Variants in KIAA0825 observed in about 807,000 individuals in gnomAD.
KIAA0825 encodes uncharacterized protein KIAA0825.
In KIAA0825, 119 loss-of-function variants were observed where a neutral mutation model predicts 147.6. The observed-to-expected ratio is 0.81, with a 90% CI of 0.69 to 0.94. The LOEUF is 0.94. KIAA0825 is among the 40% of genes least tolerant of loss of function. The probability of loss-of-function intolerance (pLI) is 0.00; values close to 1 mark genes in which losing one functional copy is unlikely to be tolerated. For missense variants in KIAA0825, 1,381 were observed against 1,472.7 expected (o/e 0.94, Z 1.02); for synonymous variants, 470 against 518.1 (o/e 0.91, Z 1.26).
At chr5:94,284,104 A>T (rs1777570558) in intron 20 of KIAA0825, among the ~76,000 whole-genome samples, 1 of 152,192 alleles carries the variant, frequency 6.6e-6, no homozygotes, top group African/African-American at 2.4e-5. Flanking sequence ...AAAAATGTAT[A>T]TAAAAATTAT....
intron 1 of KIAA0825, among the ~76,000 whole-genome samples, chr5:94,590,980 C>A (rs915138424): frequency 6.6e-6 from 1 of 152,116 alleles, no homozygotes; most frequent in South Asian, 2.1e-4. Context: ...GTACACATTA[C>A]GTTAAAACTG....
chr5:94,573,709 G>A (rs1236127187), intron 2 of KIAA0825, among the ~76,000 whole-genome samples: 2 of 152,212 alleles, frequency 1.3e-5, no homozygotes, highest in South Asian at 2.1e-4. Context: ...ATCTAGCTAT[G>A]TTAATAGAGA....
At chr5:94,235,026 C>CAAA (rs770665759) in intron 20 of KIAA0825, among the ~76,000 whole-genome samples, 65 of 131,614 alleles carry the variant, frequency 4.9e-4, no homozygotes, top group Non-Finnish European at 8.5e-4. Flanking sequence ...TTTCCTCAGG[C>CAAA]AAAAAAAAAA....
chr5:94,616,700 G>A (rs1585064724), intron 1 of KIAA0825, among the ~76,000 whole-genome samples: 2 of 152,124 alleles, frequency 1.3e-5, no homozygotes, highest in East Asian at 3.8e-4. Context: ...GTACAGTATA[G>A]GCATTTGTTT....
chr5:94,528,568 T>A (rs1168059441), intron 3 of KIAA0825, among the ~76,000 whole-genome samples: 1 of 152,150 alleles, frequency 6.6e-6, no homozygotes, highest in Non-Finnish European at 1.5e-5. Flanking sequence ...ACCAAAGTGA[T>A]CTTGTATTGA....
At chr5:94,325,772 T>G (rs756079729) in intron 20 of KIAA0825, among the ~76,000 whole-genome samples, 11 of 151,982 alleles carry the variant, frequency 7.2e-5, no homozygotes, top group Non-Finnish European at 1.5e-4. Context: ...GAGAATTACA[T>G]ACAGATATAC....
chr5:94,270,512 T>C (rs1776936018), intron 20 of KIAA0825, among the ~76,000 whole-genome samples: 1 of 151,782 alleles, frequency 6.6e-6, no homozygotes, highest in Non-Finnish European at 1.5e-5. Context: ...CTGGAACATA[T>C]TATAAGGCCA....
chr5:94,540,592 TGA>T (rs1284029879), intron 2 of KIAA0825, among the ~76,000 whole-genome samples: 2 of 152,242 alleles, frequency 1.3e-5, no homozygotes, highest in Non-Finnish European at 2.9e-5. Flanking sequence ...TGAAAGAGCT[TGA>T]TTAATTGGCT....
At chr5:94,196,314 G>A (rs1408752369) in intron 20 of KIAA0825, among the ~76,000 whole-genome samples, 2 of 152,066 alleles carry the variant, frequency 1.3e-5, no homozygotes, top group African/African-American at 4.8e-5. Flanking sequence ...TAATCTTGAG[G>A]TCAGCTTTTG....
intron 15 of KIAA0825, among the ~76,000 whole-genome samples, chr5:94,410,987 T>A (rs1752690785): frequency 1.3e-5 from 2 of 152,118 alleles, no homozygotes; most frequent in Non-Finnish European, 2.9e-5. Flanking sequence ...CTTTAAAATA[T>A]AATATTTGGA....
Position 94,366,927 on chromosome 5 carries a change from T to C in KIAA0825, c.3710+17441A>G, listed in dbSNP as rs115181846. Among the ~76,000 whole-genome samples the C allele has an allele frequency of 5.8e-3, 889 of 152,352 alleles. 1 individual carries two copies. Among genetic ancestry groups the C allele is most frequent in the South Asian group, 8.5e-3 (41 of 4,832 alleles). The stretch of plus-strand genomic sequence containing the variant: ...GGAACGGGACCTCACATTCTGTGTT[T>C]GACCTGATTGGCTAGCAAGTTAGAA... On this transcript the variant is annotated intron_variant, in intron 20 of 20. Coordinates refer to ENST00000682413, the MANE Select transcript of KIAA0825 (RefSeq NM_001145678.3).
intron 20 of KIAA0825, among the ~76,000 whole-genome samples, chr5:94,166,926 A>C (rs190859536): frequency 2.0e-5 from 3 of 152,306 alleles, no homozygotes; most frequent in Admixed American, 2.0e-4. Context: ...AAAGCCTTAG[A>C]GAAGGGACAG....
At chr5:94,466,692 G>A (rs534546436) in intron 10 of KIAA0825, among the ~76,000 whole-genome samples, 5 of 142,224 alleles carry the variant, frequency 3.5e-5, no homozygotes, top group South Asian at 4.5e-4. Context: ...AGCCGAGATC[G>A]TGCCACTGCA....
At chr5:94,477,981 T>C (rs1356081040) in intron 6 of KIAA0825, among the ~76,000 whole-genome samples, 2 of 152,202 alleles carry the variant, frequency 1.3e-5, no homozygotes, top group Non-Finnish European at 2.9e-5. Flanking sequence ...GATGATGAAT[T>C]CTATGTTATG....
intron 5 of KIAA0825, among the ~76,000 whole-genome samples, chr5:94,516,664 G>T (rs2151190755): frequency 6.7e-6 from 1 of 148,804 alleles, no homozygotes; most frequent in African/African-American, 2.5e-5. Flanking sequence ...AGTGGCGGGC[G>T]CCTGTAGTCC....
chr5:94,449,027 G>A (rs1383506151), intron 13 of KIAA0825, among the ~76,000 whole-genome samples: 5 of 152,098 alleles, frequency 3.3e-5, no homozygotes, highest in African/African-American at 1.2e-4. Flanking sequence ...GGGCAGGGGG[G>A]ATATCAGTGA....
chr5:94,237,221 T>C (rs1300988164), intron 20 of KIAA0825, among the ~76,000 whole-genome samples: 1 of 152,202 alleles, frequency 6.6e-6, no homozygotes, highest in Non-Finnish European at 1.5e-5. Context: ...AGGTATACTT[T>C]CATAAACTGA....
At chr5:94,310,449 A>G (rs12659752) in intron 20 of KIAA0825, among the ~76,000 whole-genome samples, 31,052 of 151,656 alleles carry the variant, frequency 0.2, 3,617 homozygotes, top group Non-Finnish European at 0.25. Context: ...TTAGTTTAAT[A>G]ATTTTATGTT....
intron 6 of KIAA0825, among the ~76,000 whole-genome samples, chr5:94,480,317 G>A (rs1762354500): frequency 6.6e-6 from 1 of 152,008 alleles, no homozygotes; most frequent in Non-Finnish European, 1.5e-5. Context: ...TACATAGTAT[G>A]ACAAGGTTTT....
Sources: gnomAD v4.1 joint callset for allele counts (sites outside exome capture counted in the v4.1 genomes callset) on GRCh38, gnomAD v4.1.1 for gene constraint, MANE v1.5 for transcripts, NCBI Gene and HGNC (gene_info 2026-07-23, HGNC 2026-07-21) for gene names.